The following NSUN7 variants were observed in gnomAD, a reference collection of about 807,000 sequenced individuals.
NSUN7 encodes the protein protein NSUN7.
NSUN7 carries 39 observed loss-of-function variants against 58.5 expected under a neutral mutation model. The ratio of observed to expected loss-of-function variants is 0.67; its 90% CI spans 0.52 to 0.87. The LOEUF is 0.87. Among genes scored for constraint, NSUN7 ranks in the 40% least tolerant of loss-of-function variants. The probability of loss-of-function intolerance (pLI) is 0.00; values close to 1 mark genes in which losing one functional copy is unlikely to be tolerated. For synonymous variants in NSUN7, 278 were observed against 303.7 expected (o/e 0.92, Z 0.88); for missense variants, 765 against 844.1 (o/e 0.91, Z 1.16).
At chr4:40,796,415 G>A (rs1743326549) in intron 9 of NSUN7, among the ~76,000 whole-genome samples, 1 of 152,008 alleles carries the variant, frequency 6.6e-6, no homozygotes, top group African/African-American at 2.4e-5. Flanking sequence ...CAACATGGTA[G>A]GATCACTTCA....
At chr4:40,782,482 C>A (rs1742620286) in intron 7 of NSUN7, among the ~76,000 whole-genome samples, 1 of 150,714 alleles carries the variant, frequency 6.6e-6, no homozygotes, top group African/African-American at 2.4e-5. Context: ...GCTGGAGAAT[C>A]TCTTGAACTT....
chr4:40,776,012 T>C, intron 6 of NSUN7, 37 bp from the exon 7 acceptor site: 1 of 1,325,000 alleles, frequency 7.5e-7, no homozygotes, highest in Non-Finnish European at 1.1e-6. Flanking sequence ...TTTCTAGCCA[T>C]ACCCTTTGAA....
intron 9 of NSUN7, among the ~76,000 whole-genome samples, chr4:40,797,922 C>G (rs1201615300): frequency 6.6e-6 from 1 of 152,228 alleles, no homozygotes; most frequent in Non-Finnish European, 1.5e-5. Flanking sequence ...TTTCCTGGAA[C>G]ATACCAGCAC....
In NSUN7 at chr4:40,808,652, C is replaced by CGAGG; in HGVS notation, c.1870_1871insGAGG (p.Pro624ArgfsTer7). The CGAGG allele has an allele frequency of 6.4e-7, 1 of 1,551,864 alleles. No individual in the cohort carries two copies. The highest frequency in any genetic ancestry group is 8.7e-7 in the Non-Finnish European group (1 of 1,147,038). Reference sequence around the variant, plus strand: ...GCCTGCATTTGTGAAGAACACTTGTCCCTCCAGACCGCGTGAACGGCAGAC... The same window carrying CGAGG: ...GCCTGCATTTGTGAAGAACACTTGTCGAGGCCTCCAGACCGCGTGAACGGCAGAC... On this transcript the variant is annotated frameshift_variant, in exon 12 of 12. Coordinates refer to ENST00000381782, the MANE Select transcript of NSUN7 (RefSeq NM_024677.6). LOFTEE classifies it low-confidence loss of function (END_TRUNC).
intron 8 of NSUN7, among the ~76,000 whole-genome samples, chr4:40,793,247 G>C (rs1177851243): frequency 1.3e-5 from 2 of 152,068 alleles, no homozygotes; most frequent in African/African-American, 4.8e-5. Context: ...TTCGAGTTCA[G>C]CCTGACCAAC....
At position 40,790,597 on chromosome 4, in the gene NSUN7, C is replaced by A; in HGVS notation, c.1037-5C>A. 1.3e-6 allele frequency: 2 copies of A among 1,499,342 alleles called. No homozygotes were observed. The highest frequency in any genetic ancestry group is 9.1e-7 in the Non-Finnish European group (1 of 1,101,032). The allele number at this position is 1,499,342 out of a possible 1,614,324, so 92.9% of individuals were successfully genotyped here. On this transcript the variant is annotated splice_polypyrimidine_tract_variant and splice_region_variant and intron_variant, in intron 7 of 11. Transcript: ENST00000381782. ...TACATTAAATTTTCTGTGTTTTTTC[C>A]CCAGATATTGAAATACTTCATGAGA...
intron 4 of NSUN7, among the ~76,000 whole-genome samples, chr4:40,766,493 A>T (rs1741734109): frequency 6.6e-6 from 1 of 152,098 alleles, no homozygotes; most frequent in Non-Finnish European, 1.5e-5. Flanking sequence ...CCAGTATTTT[A>T]TTGAGGATTT....
chr4:40,765,513 G>C (rs369611294), intron 4 of NSUN7, among the ~76,000 whole-genome samples: 9 of 151,498 alleles, frequency 5.9e-5, no homozygotes, highest in African/African-American at 1.9e-4. Flanking sequence ...GTCAGGTAGC[G>C]TGATGCCTCC....
chr4:40,752,521 C>T (rs544582869), intron 2 of NSUN7, among the ~76,000 whole-genome samples: 6 of 152,254 alleles, frequency 3.9e-5, no homozygotes, highest in East Asian at 1.9e-4. Flanking sequence ...CCTGGGTTCA[C>T]GCCATTCTCC....
At chr4:40,755,635 T>C (rs143829746) in intron 2 of NSUN7, among the ~76,000 whole-genome samples, 433 of 152,318 alleles carry the variant, frequency 2.8e-3, no homozygotes, top group African/African-American at 1.0e-2. Flanking sequence ...ATGCTTAACA[T>C]ATGGTTTGGT....
In NSUN7 at chr4:40,808,634, T is replaced by A; in HGVS notation, c.1852T>A (p.Phe618Ile). 2 of 1,551,826 alleles carry A rather than the reference T, an allele frequency of 1.3e-6. No homozygotes were observed. The highest frequency in any genetic ancestry group is 8.7e-7 in the Non-Finnish European group (1 of 1,147,036). Residue 618 changes from phenylalanine (F) to isoleucine (I), a missense_variant, in exon 12 of 12, where the codon TTT becomes ATT. Phe to Ile is a conservative substitution (Grantham distance 21). Transcript: ENST00000381782. ...GGCCCCCCATCCTGCAGTGCCTGCA[T>A]TTGTGAAGAACACTTGTCCCTCCAG... ...KLAPHPAVPA[F>I]VKNTCPSRPR... is the part of the protein sequence containing the mutation.
chr4:40,809,511 G>A lies in NSUN7; in HGVS notation c.*572G>A, dbSNP rs1744066555. On this transcript the variant is annotated 3_prime_UTR_variant, in exon 12 of 12. Transcript: ENST00000381782. ...AGCGCAGGAAGTTCCCAAGTGCCAGGTGTGTGTAGCTCAGAGTTCCTTTTA... is the reference window on the plus strand; with the variant it reads ...AGCGCAGGAAGTTCCCAAGTGCCAGATGTGTGTAGCTCAGAGTTCCTTTTA... 1 of 152,174 alleles carries A rather than the reference G, an allele frequency of 6.6e-6. No homozygotes were observed. The highest frequency in any genetic ancestry group is 2.4e-5 in the African/African-American group (1 of 41,432). The allele number at this position is 152,174 out of a possible 1,614,324, so 9.4% of individuals were successfully genotyped here. A position where few individuals can be genotyped will look rare whatever the true frequency, so the allele number is the denominator to read the frequency against.
At chr4:40,759,391 C>T (rs1177298416) in intron 2 of NSUN7, among the ~76,000 whole-genome samples, 3 of 152,156 alleles carry the variant, frequency 2.0e-5, no homozygotes, top group Admixed American at 1.3e-4. Flanking sequence ...AAAGAACACT[C>T]GTGTTCCCTG....
chr4:40,787,218 A>G (rs1397641653), intron 7 of NSUN7, among the ~76,000 whole-genome samples: 2 of 152,098 alleles, frequency 1.3e-5, no homozygotes, highest in Non-Finnish European at 2.9e-5. Context: ...TAGGAAAACC[A>G]GAGACCTTTG....
At chr4:40,808,022 T>C (rs1304190735) in intron 11 of NSUN7, among the ~76,000 whole-genome samples, 3 of 87,814 alleles carry the variant, frequency 3.4e-5, no homozygotes, top group East Asian at 3.7e-4. Flanking sequence ...AAAGCAAGAC[T>C]CCATCTCAAA....
intron 4 of NSUN7, among the ~76,000 whole-genome samples, chr4:40,773,503 C>T (rs140244263): frequency 0.017 from 2,532 of 151,800 alleles, 70 homozygotes; most frequent in African/African-American, 0.058. Flanking sequence ...GCCAACATGG[C>T]GAAACCCCAT....
chr4:40,774,676 T>C, intron 5 of NSUN7, 91 bp from the exon 6 acceptor site: 1 of 842,140 alleles, frequency 1.2e-6, no homozygotes, highest in Non-Finnish European at 1.9e-6. Context: ...TGAAGTGATA[T>C]TTTTCTTTGT....
chr4:40,799,864 C>T (rs1174592516), intron 10 of NSUN7, among the ~76,000 whole-genome samples: 2 of 152,128 alleles, frequency 1.3e-5, no homozygotes, highest in Non-Finnish European at 2.9e-5. Flanking sequence ...ATATTCAGCT[C>T]ATTTTGGACT....
chr4:40,783,321 A>G (rs1312039095), intron 7 of NSUN7, among the ~76,000 whole-genome samples: 2 of 152,240 alleles, frequency 1.3e-5, no homozygotes, highest in Non-Finnish European at 2.9e-5. Flanking sequence ...CTTGGAAAAG[A>G]ATAAAATTGG....
Sources: gnomAD v4.1 joint callset for allele counts (sites outside exome capture counted in the v4.1 genomes callset) on GRCh38, gnomAD v4.1.1 for gene constraint, MANE v1.5 for transcripts, NCBI Gene and HGNC (gene_info 2026-07-23, HGNC 2026-07-21) for gene names.